The following DNAH9 variants were observed in gnomAD, a reference collection of about 807,000 sequenced individuals.
The protein encoded by DNAH9 is dynein axonemal heavy chain 9.
A neutral mutation model predicts 471.6 loss-of-function variants in DNAH9; 345 were observed. The observed-to-expected ratio is 0.73, with a 90% CI of 0.67 to 0.80. The LOEUF (loss-of-function observed/expected upper bound fraction) is 0.80, where lower values mean the gene tolerates loss of function less well. DNAH9 is among the 30% of genes least tolerant of loss of function. The pLI is 0.00. For missense variants in DNAH9, 5,407 were observed against 5,609.2 expected (o/e 0.96, Z 1.15); for synonymous variants, 2,093 against 2,123.6 (o/e 0.99, Z 0.40).
intron 45 of DNAH9, among the ~76,000 whole-genome samples, chr17:11,820,931 G>T (rs1301947509): frequency 6.6e-6 from 1 of 151,490 alleles, no homozygotes; most frequent in African/African-American, 2.4e-5. Context: ...TTATTTCCCT[G>T]CATTTTTTAT....
intron 1 of DNAH9, among the ~76,000 whole-genome samples, chr17:11,606,734 GAAACCTAATTTA>G (rs2072517502): frequency 6.6e-6 from 1 of 152,056 alleles, no homozygotes. Flanking sequence ...GCGATTAATA[GAAACCTAATTTA>G]AACTAGCTTG....
chr17:11,763,917 A>G (rs1411992190), intron 36 of DNAH9, among the ~76,000 whole-genome samples: 1 of 152,150 alleles, frequency 6.6e-6, no homozygotes. Flanking sequence ...GTATATATGC[A>G]CTACTTTGCC....
At chr17:11,731,831 G>A (rs994266943) in intron 28 of DNAH9, among the ~76,000 whole-genome samples, 3 of 151,892 alleles carry the variant, frequency 2.0e-5, no homozygotes, top group Admixed American at 1.3e-4. Flanking sequence ...CCAAGTCTTC[G>A]CTATTGTGAA....
At position 11,690,242 on chromosome 17, in the gene DNAH9, G is replaced by T. The variant is rs1235841351; in HGVS notation, c.4420G>T (p.Asp1474Tyr). 1 of 1,614,224 alleles carries T rather than the reference G, an allele frequency of 6.2e-7. No homozygotes were observed. The highest frequency in any genetic ancestry group is 8.5e-7 in the Non-Finnish European group (1 of 1,180,034). ...TGAGGACCTCATAGAGGTTCTGGAG[G>T]ATAATCAAGTTCAACTTCAGAACCT... ...SDEDLIEVLE[D>Y]NQVQLQNLVM... The change falls in exon 20 of 69, where the codon GAT becomes TAT. Residue 1474 changes from aspartate (D) to tyrosine (Y), a missense_variant. By Grantham distance (160) the Asp-to-Tyr change is radical (BLOSUM62 -3). This residue lies in a region of DNAH9 where 4,636 missense variants were observed against 4,900.3 expected (regional missense o/e 0.95). Transcript: ENST00000262442.
At chr17:11,603,110 C>A (rs1470757075) in intron 1 of DNAH9, among the ~76,000 whole-genome samples, 2 of 152,198 alleles carry the variant, frequency 1.3e-5, no homozygotes, top group African/African-American at 4.8e-5. Context: ...CCCAGCTCTA[C>A]ATACTTCATA....
At position 11,626,627 on chromosome 17, in the gene DNAH9, G is replaced by A. The variant is rs2072975083; in HGVS notation, c.1351-2790G>A. On this transcript the variant is annotated intron_variant, in intron 6 of 68. Coordinates refer to ENST00000262442, the MANE Select transcript of DNAH9 (RefSeq NM_001372.4). The surrounding 1 kb of genome is among the most constrained non-coding windows in gnomAD (Gnocchi z 4.3). Reference sequence around the variant, plus strand: ...ATCAGCAATGTAATAAGTTCAACCTGTATGGTGAGGTCACATCTACTTCTT... The same window carrying A: ...ATCAGCAATGTAATAAGTTCAACCTATATGGTGAGGTCACATCTACTTCTT... 6.6e-6 allele frequency among the ~76,000 whole-genome samples: 1 copy of A among 152,146 alleles called. No homozygotes were observed. The highest frequency in any genetic ancestry group is 2.1e-4 in the South Asian group (1 of 4,824).
intron 49 of DNAH9, among the ~76,000 whole-genome samples, chr17:11,846,382 AC>A (rs1351596731): frequency 6.6e-6 from 1 of 151,128 alleles, no homozygotes; most frequent in South Asian, 2.1e-4. Context: ...TGGTACCAGT[AC>A]CATGCTGTTT....
intron 17 of DNAH9, among the ~76,000 whole-genome samples, chr17:11,675,144 T>C (rs921955626): frequency 1.3e-5 from 2 of 152,206 alleles, no homozygotes; most frequent in African/African-American, 4.8e-5. Context: ...TTCGGTGAAA[T>C]TTTGTAATCA....
At chr17:11,959,916 T>C (rs1024904292) in intron 67 of DNAH9, among the ~76,000 whole-genome samples, 1 of 152,224 alleles carries the variant, frequency 6.6e-6, no homozygotes, top group African/African-American at 2.4e-5. Context: ...CTGGTCTGAT[T>C]AGGGATATTG....
intron 32 of DNAH9, among the ~76,000 whole-genome samples, chr17:11,752,208 C>G (rs767467678): frequency 6.6e-5 from 10 of 152,070 alleles, no homozygotes; most frequent in Admixed American, 4.6e-4. Context: ...TCAGATGGGC[C>G]GCTTTCCAAA....
intron 1 of DNAH9, among the ~76,000 whole-genome samples, chr17:11,604,737 C>T (rs2072463304): frequency 6.6e-6 from 1 of 152,038 alleles, no homozygotes. Flanking sequence ...TTTGTTAACA[C>T]ATCCTATTGG....
intron 48 of DNAH9, among the ~76,000 whole-genome samples, chr17:11,823,789 G>T (rs1050460755): frequency 6.6e-6 from 1 of 152,078 alleles, no homozygotes; most frequent in Non-Finnish European, 1.5e-5. Context: ...AATTAGCTGG[G>T]CATGGTGGCG....
intron 49 of DNAH9, among the ~76,000 whole-genome samples, chr17:11,845,941 A>T (rs1283576958): frequency 1.3e-5 from 2 of 150,464 alleles, no homozygotes; most frequent in East Asian, 3.9e-4. Flanking sequence ...ATTTTCTCCC[A>T]TGTTGTAGGT....
Position 11,822,589 on chromosome 17 carries a change from A to T in DNAH9, c.9002A>T (p.Glu3001Val), listed in dbSNP as rs1597697143. 2 of 1,614,118 alleles carry T rather than the reference A, an allele frequency of 1.2e-6. No individual in the cohort carries two copies. Among genetic ancestry groups the T allele is most frequent in the East Asian group, 4.5e-5 (2 of 44,862 alleles). Residue 3001 changes from glutamate (E) to valine (V), a missense_variant, in exon 47 of 69, where the codon GAG becomes GTG. Physicochemically the swap from Glu to Val is moderately radical, Grantham distance 121. Transcript: ENST00000262442. Reference sequence around the variant, plus strand: ...AGCCTCCGCTTCTTGCAGAACACAGAGGGCATTGAGGTGAGAGAGAAAAGG... The same window carrying T: ...AGCCTCCGCTTCTTGCAGAACACAGTGGGCATTGAGGTGAGAGAGAAAAGG... The part of the protein sequence containing the change: ...SVSLRFLQNT[E>V]GIEPTVKQSI...
At chr17:11,641,653 C>T (rs1490182819) in intron 10 of DNAH9, among the ~76,000 whole-genome samples, 1 of 151,900 alleles carries the variant, frequency 6.6e-6, no homozygotes, top group Non-Finnish European at 1.5e-5. Context: ...AGATCTGAGC[C>T]CTCATGCATC....
chr17:11,689,226 C>T (rs188882775), intron 19 of DNAH9, among the ~76,000 whole-genome samples: 2 of 152,238 alleles, frequency 1.3e-5, no homozygotes, highest in East Asian at 3.9e-4. Flanking sequence ...TCAGAACCAA[C>T]AGCTAGATGA....
chr17:11,844,974 C>A (rs1052362436), intron 49 of DNAH9, among the ~76,000 whole-genome samples: 1 of 150,518 alleles, frequency 6.6e-6, no homozygotes, highest in Non-Finnish European at 1.5e-5. Context: ...CTGTTCATGT[C>A]CTTTGTCCAC....
At chr17:11,935,314 G>A (rs1974669494) in intron 65 of DNAH9, among the ~76,000 whole-genome samples, 1 of 150,912 alleles carries the variant, frequency 6.6e-6, no homozygotes, top group Non-Finnish European at 1.5e-5. Flanking sequence ...TATTACCACA[G>A]CTATGTTTAA....
At chr17:11,935,543 T>G (rs913594690) in intron 65 of DNAH9, among the ~76,000 whole-genome samples, 5 of 151,554 alleles carry the variant, frequency 3.3e-5, no homozygotes, top group African/African-American at 1.2e-4. Context: ...GCCCAGCTAA[T>G]TTTTGTATTT....
Sources: gnomAD v4.1 joint callset for allele counts (sites outside exome capture counted in the v4.1 genomes callset) on GRCh38, gnomAD v4.1.1 for gene constraint, gnomAD v4.1.1 regional missense constraint, Gnocchi (gnomAD v3.1) non-coding constraint, MANE v1.5 for transcripts, NCBI Gene and HGNC (gene_info 2026-07-23, HGNC 2026-07-21) for gene names.